PACS1: variants seen among roughly 807,000 people sequenced by gnomAD.
The protein encoded by PACS1 is phosphofurin acidic cluster sorting protein 1.
PACS1 carries 24 observed loss-of-function variants against 115.0 expected under a neutral mutation model. That is an observed-to-expected ratio of 0.21 (90% CI 0.15 to 0.29). The LOEUF (loss-of-function observed/expected upper bound fraction) is 0.29, where lower values mean the gene tolerates loss of function less well. Among genes scored for constraint, PACS1 ranks in the 10% least tolerant of loss-of-function variants. PACS1 has a pLI of 1.00. For missense variants in PACS1, 838 were observed against 1,251.2 expected (o/e 0.67, Z 4.98); for synonymous variants, 453 against 504.5 (o/e 0.90, Z 1.37).
Position 66,243,342 on chromosome 11 carries a change from G to A in PACS1, c.*62G>A. On this transcript the variant is annotated 3_prime_UTR_variant, in exon 24 of 24. Transcript: ENST00000320580. ...CCACCAGCCTCACCGCCTGCGGGCA[G>A]GGGGAGGCCAGCAGGCCCGGGCCCA... 1 of 1,196,206 alleles carries A rather than the reference G, an allele frequency of 8.4e-7. No individual in the cohort carries two copies. The highest frequency in any genetic ancestry group is 2.5e-5 in the East Asian group (1 of 39,252). 74.1% of individuals were successfully genotyped at this position (1,196,206 alleles called of 1,614,324 possible). A position where few individuals can be genotyped will look rare whatever the true frequency, so the allele number is the denominator to read the frequency against.
intron 1 of PACS1, among the ~76,000 whole-genome samples, chr11:66,146,021 G>A (rs1321068407): frequency 1.3e-5 from 2 of 152,084 alleles, no homozygotes; most frequent in East Asian, 3.8e-4. Context: ...ACAGTTGAGA[G>A]TTGCTACAAT....
At chr11:66,181,113 A>G (rs1316792353) in intron 1 of PACS1, among the ~76,000 whole-genome samples, 1 of 151,878 alleles carries the variant, frequency 6.6e-6, no homozygotes, top group Non-Finnish European at 1.5e-5. Flanking sequence ...TTATACACAA[A>G]TATGTAGCTG....
At position 66,233,827 on chromosome 11, in the gene PACS1, T is replaced by C. The variant is rs550567165; in HGVS notation, c.1881T>C (p.Ala627=). 1.1e-4 allele frequency: 171 copies of C among 1,613,788 alleles called. 1 individual carries two copies. The South Asian group carries it at 1.6e-3, about 15-fold the overall frequency. ...CCATGCCGAGGCCAGTGAAGGTGGC[T>C]GCTGTGGGAGGCCAGAGCTACCTGA... ...NSSMPRPVKV[A]AVGGQSYLSS... Residue 627 remains alanine (A), a synonymous_variant, in exon 16 of 24, where the codon GCT becomes GCC. Transcript: ENST00000320580. This position sits in a 1 kb window ranked among gnomAD's most constrained non-coding sequence, Gnocchi z 4.5.
rs554760403 is a variant in PACS1 at position 66,213,889 on chromosome 11, C to T, written c.661-2230C>T. Among the ~76,000 whole-genome samples, 353 of 151,982 alleles carry T rather than the reference C, an allele frequency of 2.3e-3. 1 individual carries two copies. The highest frequency in any genetic ancestry group is 8.1e-3 in the African/African-American group (337 of 41,458). ...TCTACTAAAAATACAAAAAATTAGC[C>T]GGGCATGGTGGCGGGCGCCTGTAGT... On this transcript the variant is annotated intron_variant, in intron 4 of 23. Coordinates refer to ENST00000320580, the MANE Select transcript of PACS1 (RefSeq NM_018026.4).
chr11:66,220,252 G>C (rs762231936), intron 8 of PACS1: 2 of 286,212 alleles, frequency 7.0e-6, no homozygotes, highest in East Asian at 1.6e-4. Flanking sequence ...GGAGGGGCCC[G>C]TTTCCACAGG....
chr11:66,180,359 T>TG (rs1859976191), intron 1 of PACS1, among the ~76,000 whole-genome samples: 2 of 151,890 alleles, frequency 1.3e-5, no homozygotes, highest in Admixed American at 6.6e-5. Flanking sequence ...AGCTTTTTTT[T>TG]TTGTGTGTGT....
At chr11:66,085,352 A>T (rs1193515382) in intron 1 of PACS1, among the ~76,000 whole-genome samples, 1 of 152,212 alleles carries the variant, frequency 6.6e-6, no homozygotes, top group Non-Finnish European at 1.5e-5. Context: ...CAGAAAAATA[A>T]TGGAGCCCTT....
rs1855692572 is a variant in PACS1 at position 66,235,765 on chromosome 11, A to C, written c.2208-133A>C. 1 of 812,300 alleles carries C rather than the reference A, an allele frequency of 1.2e-6. No homozygotes were observed. Among genetic ancestry groups the C allele is most frequent in the East Asian group, 2.4e-5 (1 of 41,136 alleles). The allele number at this position is 812,300 out of a possible 1,614,324, so 50.3% of individuals were successfully genotyped here. On this transcript the variant is annotated intron_variant, in intron 18 of 23. Coordinates refer to ENST00000320580, the MANE Select transcript of PACS1 (RefSeq NM_018026.4). The surrounding 1 kb of genome is among the most constrained non-coding windows in gnomAD (Gnocchi z 5.6). The stretch of plus-strand genomic sequence containing the variant: ...TCCCAGACCTTCCCCATGCCACCCC[A>C]GGATGTGATGGGCAGAGGCAGCCCA...
intron 1 of PACS1, among the ~76,000 whole-genome samples, chr11:66,167,054 C>T (rs552872744): frequency 7.3e-5 from 11 of 150,506 alleles, no homozygotes; most frequent in East Asian, 1.9e-4. Context: ...GAGTTCCCAT[C>T]GTGCCGCATC....
chr11:66,103,901 G>C (rs1227127102), intron 1 of PACS1, among the ~76,000 whole-genome samples: 1 of 152,164 alleles, frequency 6.6e-6, no homozygotes, highest in Non-Finnish European at 1.5e-5. Flanking sequence ...CAGCTCAGGG[G>C]CAGTGCTGTT....
intron 10 of PACS1, among the ~76,000 whole-genome samples, chr11:66,224,177 CAG>C (rs1388395571): frequency 7.8e-5 from 9 of 115,042 alleles, no homozygotes; most frequent in African/African-American, 3.1e-4. Context: ...GCCTGGGTAA[CAG>C]AGCAAGACTC....
At chr11:66,176,271 C>T (rs1859858416) in intron 1 of PACS1, among the ~76,000 whole-genome samples, 1 of 152,088 alleles carries the variant, frequency 6.6e-6, no homozygotes, top group African/African-American at 2.4e-5. Flanking sequence ...GTCTGTTGTT[C>T]CCATATTTAT....
chr11:66,208,384 G>GT (rs1854993129), intron 2 of PACS1, among the ~76,000 whole-genome samples: 1 of 152,208 alleles, frequency 6.6e-6, no homozygotes, highest in Admixed American at 6.5e-5. Context: ...TTGGGAGGCA[G>GT]TGGCAGGAAG....
intron 1 of PACS1, among the ~76,000 whole-genome samples, chr11:66,082,276 G>C (rs1045540851): frequency 6.6e-6 from 1 of 152,154 alleles, no homozygotes; most frequent in Admixed American, 6.5e-5. Flanking sequence ...ACAGGCTGGA[G>C]TGCAGTGGTA....
At chr11:66,127,423 G>A (rs1858605678) in intron 1 of PACS1, among the ~76,000 whole-genome samples, 1 of 152,200 alleles carries the variant, frequency 6.6e-6, no homozygotes, top group Admixed American at 6.5e-5. Flanking sequence ...GGGCCCGACT[G>A]CATCAAGAGC....
At chr11:66,139,178 G>A (rs907676792) in intron 1 of PACS1, among the ~76,000 whole-genome samples, 1 of 152,074 alleles carries the variant, frequency 6.6e-6, no homozygotes, top group African/African-American at 2.4e-5. Flanking sequence ...GGCTAAGCCC[G>A]AAATATATAA....
At chr11:66,071,408 G>A in intron 1 of PACS1, among the ~76,000 whole-genome samples, 1 of 152,098 alleles carries the variant, frequency 6.6e-6, no homozygotes, top group Non-Finnish European at 1.5e-5. Context: ...GTGTCCTCAA[G>A]TGTATTTTTA....
chr11:66,078,950 C>T lies in PACS1; in HGVS notation c.356+8108C>T, dbSNP rs1857436614. Among the ~76,000 whole-genome samples, 4 of 152,306 alleles carry T rather than the reference C, an allele frequency of 2.6e-5. No homozygotes were observed. The South Asian group carries it at 8.3e-4, about 32-fold the overall frequency. On this transcript the variant is annotated intron_variant, in intron 1 of 23. Transcript: ENST00000320580. ...TGAGACAGAGTCTTGCTCTCTTGCC[C>T]AGGCTGGAGTGCAGTGGCGCTATCT...
intron 1 of PACS1, among the ~76,000 whole-genome samples, chr11:66,156,204 TTATATATATATA>T (rs61270162): frequency 0.012 from 988 of 85,022 alleles, 18 homozygotes; most frequent in South Asian, 0.028. Context: ...ATTTTTTAAA[TTATATATATATA>T]TATATATATA....
Sources: gnomAD v4.1 joint callset for allele counts (sites outside exome capture counted in the v4.1 genomes callset) on GRCh38, gnomAD v4.1.1 for gene constraint, Gnocchi (gnomAD v3.1) non-coding constraint, MANE v1.5 for transcripts, NCBI Gene and HGNC (gene_info 2026-07-23, HGNC 2026-07-21) for gene names.